TRDN: variants seen among roughly 807,000 people sequenced by gnomAD.
TRDN encodes triadin, also known as triadin in skeletal muscle.
A neutral mutation model predicts 149.7 loss-of-function variants in TRDN; 161 were observed. The observed-to-expected ratio is 1.08, with a 90% CI of 0.95 to 1.23. The LOEUF (loss-of-function observed/expected upper bound fraction) is 1.23. TRDN is among the 50% of genes most tolerant of loss of function. TRDN has a pLI of 0.00. For missense variants in TRDN, 896 were observed against 823.5 expected (o/e 1.09, Z -1.08); for synonymous variants, 294 against 250.5 (o/e 1.17, Z -1.64).
chr6:123,568,502 C>A (rs1782403162), intron 2 of TRDN, among the ~76,000 whole-genome samples: 1 of 152,238 alleles, frequency 6.6e-6, no homozygotes, highest in African/African-American at 2.4e-5. Context: ...CAACAAGCTT[C>A]TGCCTGGGCA....
intron 24 of TRDN, among the ~76,000 whole-genome samples, chr6:123,310,777 C>T (rs573427309): frequency 6.6e-6 from 1 of 151,942 alleles, no homozygotes; most frequent in South Asian, 2.1e-4. Flanking sequence ...AGGATTTCTG[C>T]CTGAACAGGT....
intron 4 of TRDN, among the ~76,000 whole-genome samples, chr6:123,542,777 C>T (rs977404444): frequency 1.3e-5 from 2 of 151,744 alleles, no homozygotes; most frequent in African/African-American, 4.8e-5. Flanking sequence ...TATTTTTTAA[C>T]TTTGCTTTAA....
chr6:123,395,462 T>C (rs992236182), intron 12 of TRDN, among the ~76,000 whole-genome samples: 6 of 152,098 alleles, frequency 3.9e-5, no homozygotes, highest in Non-Finnish European at 8.8e-5. Context: ...CATCTCTCAA[T>C]GGGGTTTACC....
intron 10 of TRDN, among the ~76,000 whole-genome samples, chr6:123,455,223 T>A (rs1776038693): frequency 6.6e-6 from 1 of 152,238 alleles, no homozygotes; most frequent in Non-Finnish European, 1.5e-5. Context: ...AAAATGTTTC[T>A]ATGTTAATTA....
chr6:123,545,069 T>C (rs1352075892), intron 4 of TRDN, among the ~76,000 whole-genome samples: 1 of 152,072 alleles, frequency 6.6e-6, no homozygotes, highest in East Asian at 1.9e-4. Flanking sequence ...TTTAGGTAGA[T>C]ATAGGGCAGT....
rs1344288634 is a variant in TRDN, at chr6:123,530,337, TAAC to T, written c.484+166_484+168del. Among the ~76,000 whole-genome samples, 10 of 31,198 alleles carry T rather than the reference TAAC, an allele frequency of 3.2e-4. No individual in the cohort carries two copies. In the Admixed American group the frequency reaches 4.0e-3, roughly 12 times the overall value. The allele number at this position is 31,198 out of a possible 152,430, so 20.5% of individuals were successfully genotyped here. ...ATTATTTATGTTATTTATACATTTA[TAAC>T]TGAAATTAACTGATATACATTTATA... On this transcript the variant is annotated intron_variant, in intron 5 of 40. Coordinates refer to ENST00000334268, the MANE Select transcript of TRDN (RefSeq NM_006073.4).
intron 24 of TRDN, among the ~76,000 whole-genome samples, chr6:123,303,948 A>AAAATG (rs1474385780): frequency 6.6e-6 from 1 of 152,186 alleles, no homozygotes; most frequent in Non-Finnish European, 1.5e-5. Context: ...AAGAATTAAA[A>AAAATG]AAATGGAGAG....
intron 21 of TRDN, among the ~76,000 whole-genome samples, chr6:123,344,194 A>C (rs927560033): frequency 2.0e-5 from 3 of 151,980 alleles, no homozygotes; most frequent in Admixed American, 6.6e-5. Context: ...ACCCTCTTCA[A>C]GCACACTCAG....
intron 23 of TRDN, among the ~76,000 whole-genome samples, chr6:123,324,462 C>CA: frequency 6.6e-6 from 1 of 151,686 alleles, no homozygotes; most frequent in Non-Finnish European, 1.5e-5. Context: ...AAAGAAAAAA[C>CA]AAAAAACAAA....
intron 1 of TRDN, among the ~76,000 whole-genome samples, chr6:123,619,814 G>A (rs1259846018): frequency 6.6e-6 from 1 of 151,894 alleles, no homozygotes; most frequent in Non-Finnish European, 1.5e-5. Flanking sequence ...AGGAAAAGGT[G>A]AATACAAGAA....
At chr6:123,501,849 T>G (rs890239382) in intron 8 of TRDN, 4 of 930,278 alleles carry the variant, frequency 4.3e-6, no homozygotes, top group Non-Finnish European at 3.8e-6. Flanking sequence ...AATGCTGTCT[T>G]TAATAAATCT....
chr6:123,426,404 G>C (rs1208335961), intron 12 of TRDN, among the ~76,000 whole-genome samples: 1 of 152,086 alleles, frequency 6.6e-6, no homozygotes, highest in Non-Finnish European at 1.5e-5. Context: ...AGCTAACTTA[G>C]GATTGATTTC....
At chr6:123,364,894 T>C (rs183117739) in intron 20 of TRDN, among the ~76,000 whole-genome samples, 7 of 152,322 alleles carry the variant, frequency 4.6e-5, no homozygotes, top group Admixed American at 4.6e-4. Context: ...GTTAATACAA[T>C]TACTCATTTT....
chr6:123,495,199 G>A (rs1024026751), intron 9 of TRDN, among the ~76,000 whole-genome samples: 1 of 151,966 alleles, frequency 6.6e-6, no homozygotes. Context: ...GACAATGGGT[G>A]CATACCGCCA....
chr6:123,401,440 C>T (rs748693192), intron 12 of TRDN, among the ~76,000 whole-genome samples: 15 of 152,118 alleles, frequency 9.9e-5, no homozygotes, highest in Non-Finnish European at 1.5e-4. Flanking sequence ...TGAGAAAACA[C>T]GTCTCCAAAT....
intron 24 of TRDN, among the ~76,000 whole-genome samples, chr6:123,299,969 C>T (rs1778344733): frequency 6.6e-6 from 1 of 151,966 alleles, no homozygotes; most frequent in South Asian, 2.1e-4. Context: ...GAGTAACTTA[C>T]AAATTAGCTT....
intron 9 of TRDN, chr6:123,471,679 C>T (rs538055446): frequency 2.6e-5 from 4 of 152,196 alleles, no homozygotes; most frequent in East Asian, 1.9e-4. Flanking sequence ...TACATATTTT[C>T]GTATTCACTT....
At chr6:123,470,452 T>C (rs1162261313) in intron 9 of TRDN, 1 of 152,188 alleles carries the variant, frequency 6.6e-6, no homozygotes, top group East Asian at 1.9e-4. Flanking sequence ...GGCCATATCA[T>C]GGAGCTTACA....
chr6:123,351,646 T>C, intron 21 of TRDN: 1 of 953,288 alleles, frequency 1.0e-6, no homozygotes, highest in Non-Finnish European at 1.2e-6. Context: ...ATGTGAGGGA[T>C]TGAAGGATTT....
Sources: allele counts gnomAD v4.1 joint callset (sites outside exome capture counted in the v4.1 genomes callset), GRCh38; gene constraint gnomAD v4.1.1; transcripts MANE v1.5; gene names NCBI Gene and HGNC (gene_info 2026-07-23, HGNC 2026-07-21).